Variants in MECOM observed in about 807,000 individuals in gnomAD.
MECOM encodes the protein MDS1 and EVI1 complex locus, also known as histone-lysine N-methyltransferase MECOM.
MECOM carries 13 observed loss-of-function variants against 116.3 expected under a neutral mutation model. That is an observed-to-expected ratio of 0.11 (90% CI 0.07 to 0.18). MECOM has a LOEUF of 0.18. Among genes scored for constraint, MECOM ranks in the 10% least tolerant of loss-of-function variants. The pLI is 1.00. For missense variants in MECOM, 1,299 were observed against 1,509.0 expected (o/e 0.86, Z 2.31); for synonymous variants, 528 against 535.2 (o/e 0.99, Z 0.19).
intron 1 of MECOM, among the ~76,000 whole-genome samples, chr3:169,644,204 G>A (rs1773853801): frequency 6.6e-6 from 1 of 151,734 alleles, no homozygotes; most frequent in African/African-American, 2.4e-5. Flanking sequence ...TCTACTCTTG[G>A]TTCAGTTCCT....
chr3:169,186,697 G>A (rs1279938937), intron 2 of MECOM, among the ~76,000 whole-genome samples: 1 of 152,018 alleles, frequency 6.6e-6, no homozygotes, highest in Admixed American at 6.5e-5. Context: ...AAATGACTAT[G>A]TTAAAAATCT....
chr3:169,606,377 C>T (rs1768546766), intron 1 of MECOM, among the ~76,000 whole-genome samples: 1 of 149,186 alleles, frequency 6.7e-6, no homozygotes, highest in African/African-American at 2.5e-5. Context: ...CACACCTGCA[C>T]TTCAGCCTGT....
intron 1 of MECOM, among the ~76,000 whole-genome samples, chr3:169,660,772 G>T (rs747612185): frequency 1.3e-5 from 2 of 152,140 alleles, no homozygotes; most frequent in African/African-American, 2.4e-5. Flanking sequence ...CTACTCGGGG[G>T]AAGGAAATCG....
intron 3 of MECOM, chr3:169,133,861 GT>G: frequency 1.7e-6 from 2 of 1,194,934 alleles, no homozygotes; most frequent in Admixed American, 4.6e-5. Context: ...TCATTCTGGA[GT>G]TCTATTTCCC....
chr3:169,621,852 G>A (rs188677342), intron 1 of MECOM, among the ~76,000 whole-genome samples: 2 of 152,316 alleles, frequency 1.3e-5, no homozygotes, highest in South Asian at 4.1e-4. Flanking sequence ...AACATCTGTA[G>A]TGCTAGCTCT....
chr3:169,402,524 C>A (rs1001548189), intron 1 of MECOM, among the ~76,000 whole-genome samples: 1 of 152,176 alleles, frequency 6.6e-6, no homozygotes, highest in Non-Finnish European at 1.5e-5. Flanking sequence ...GGCATGATGG[C>A]GCATGCCTAT....
At chr3:169,458,347 A>C (rs1308111742) in intron 1 of MECOM, among the ~76,000 whole-genome samples, 7 of 152,190 alleles carry the variant, frequency 4.6e-5, no homozygotes, top group Admixed American at 2.0e-4. Context: ...TGTATTAAAC[A>C]CAGAGAGCTG....
chr3:169,605,400 T>G (rs1404008154), intron 1 of MECOM, among the ~76,000 whole-genome samples: 1 of 152,254 alleles, frequency 6.6e-6, no homozygotes, highest in Non-Finnish European at 1.5e-5. Flanking sequence ...TAGCTCTTAC[T>G]CTTTTTTCTG....
At chr3:169,619,442 G>C (rs968364277) in intron 1 of MECOM, among the ~76,000 whole-genome samples, 1 of 152,124 alleles carries the variant, frequency 6.6e-6, no homozygotes, top group African/African-American at 2.4e-5. Context: ...CCCCTCCTGG[G>C]TGCTCATGAA....
intron 1 of MECOM, among the ~76,000 whole-genome samples, chr3:169,628,715 A>T (rs1177408442): frequency 6.6e-6 from 1 of 152,232 alleles, no homozygotes; most frequent in African/African-American, 2.4e-5. Context: ...CAAAGAAGTG[A>T]TAACAAGTTC....
chr3:169,472,986 C>G, intron 1 of MECOM: 1 of 983,334 alleles, frequency 1.0e-6, no homozygotes, highest in Non-Finnish European at 1.2e-6. Context: ...AGACACCACC[C>G]AGATACCATG....
At chr3:169,413,379 A>G (rs1361312715) in intron 1 of MECOM, among the ~76,000 whole-genome samples, 1 of 152,188 alleles carries the variant, frequency 6.6e-6, no homozygotes, top group African/African-American at 2.4e-5. Context: ...AGATTCCATC[A>G]GGTACCTACA....
At chr3:169,631,646 G>A (rs1285479184) in intron 1 of MECOM, among the ~76,000 whole-genome samples, 1 of 125,524 alleles carries the variant, frequency 8.0e-6, no homozygotes, top group Non-Finnish European at 1.6e-5. Context: ...AGAGTGTGAT[G>A]TTCCCCTTCC....
In MECOM at chr3:169,533,858, T is replaced by C. The variant is rs941679788; in HGVS notation, c.37+129478A>G. ...CTAATTTTCTTTAGAGTCTAAGAAG[T>C]TATTTCAGAATAACTTGGCAAAAGG... On this transcript the variant is annotated intron_variant, in intron 1 of 16. Coordinates refer to ENST00000651503, the MANE Select transcript of MECOM (RefSeq NM_004991.4). 2.6e-5 allele frequency among the ~76,000 whole-genome samples: 4 copies of C among 152,164 alleles called. 1 individual carries two copies. Among genetic ancestry groups the C allele is most frequent in the Non-Finnish European group, 1.5e-5 (1 of 68,020 alleles).
At chr3:169,087,874 A>G (rs76041641) in intron 16 of MECOM, among the ~76,000 whole-genome samples, 6,791 of 152,256 alleles carry the variant, frequency 0.045, 235 homozygotes, top group Non-Finnish European at 0.067. Flanking sequence ...TCTTAAGTTC[A>G]TGGAGGTAGG....
chr3:169,660,389 A>T (rs560476601), intron 1 of MECOM, among the ~76,000 whole-genome samples: 7 of 152,248 alleles, frequency 4.6e-5, no homozygotes, highest in African/African-American at 1.4e-4. Context: ...TATAAAATAC[A>T]AGCCTTACAA....
chr3:169,597,551 G>A lies in MECOM; in HGVS notation c.37+65785C>T, dbSNP rs774259640. ...ATATCAGAATGGGCACAGAGCAGAT[G>A]AGCAGATGTCTTTAAAAAATCATGT... On this transcript the variant is annotated intron_variant, in intron 1 of 16. Transcript: ENST00000651503. Among the ~76,000 whole-genome samples the A allele has an allele frequency of 3.3e-5, 5 of 152,202 alleles. 1 individual carries two copies. The highest frequency in any genetic ancestry group is 5.9e-5 in the Non-Finnish European group (4 of 68,038).
chr3:169,586,387 A>G (rs1429946341), intron 1 of MECOM, among the ~76,000 whole-genome samples: 3 of 152,298 alleles, frequency 2.0e-5, no homozygotes, highest in Non-Finnish European at 4.4e-5. Context: ...TAATTTCTTT[A>G]TTGCCTTGGG....
intron 2 of MECOM, among the ~76,000 whole-genome samples, chr3:169,207,295 TA>T (rs1750067490): frequency 6.6e-6 from 1 of 152,198 alleles, no homozygotes; most frequent in South Asian, 2.1e-4. Context: ...AGGAATTCCA[TA>T]TCCTCAGGAA....
Sources: allele counts gnomAD v4.1 joint callset (sites outside exome capture counted in the v4.1 genomes callset), GRCh38; gene constraint gnomAD v4.1.1; transcripts MANE v1.5; gene names NCBI Gene and HGNC (gene_info 2026-07-23, HGNC 2026-07-21).